Variants in KDELR1 observed in about 807,000 individuals in gnomAD.
The protein encoded by KDELR1 is ER lumen protein-retaining receptor 1.
In KDELR1, 16 loss-of-function variants were observed where a neutral mutation model predicts 25.5. That is an observed-to-expected ratio of 0.63 (90% CI 0.43 to 0.95). The LOEUF (loss-of-function observed/expected upper bound fraction) is 0.95. KDELR1 is among the 40% of genes least tolerant of loss of function. The pLI is 0.00. For missense variants in KDELR1, 159 were observed against 265.2 expected (o/e 0.60, Z 2.78); for synonymous variants, 121 against 115.0 (o/e 1.05, Z -0.33).
chr19:48,390,577 G>GAGACAGAC lies in KDELR1; in HGVS notation c.92-61_92-54dup, dbSNP rs1555890423. ...AGAGAGAGAGACAGAGAGAGAGAGA[G>GAGACAGAC]AGACAGACAGACAGACAGACAGACA... On this transcript the variant is annotated intron_variant, in intron 1 of 4. Transcript: ENST00000330720. 5.0e-5 allele frequency: 49 copies of GAGACAGAC among 980,208 alleles called. No individual in the cohort carries two copies. The African/African-American group carries it at 5.5e-4, about 11-fold the overall frequency. 60.7% of individuals were successfully genotyped at this position (980,208 alleles called of 1,614,324 possible). A position where few individuals can be genotyped will look rare whatever the true frequency, so the allele number is the denominator to read the frequency against.
rs1391928077 is a variant in KDELR1 at position 48,383,090 on chromosome 19, CA to C, written c.*202del. ...AGATTTTTTTTTCTTGTCTAAAAGGCAAAAAACTACAAACAGCCCAAGTCCT... is the reference window on the plus strand; with the variant it reads ...AGATTTTTTTTTCTTGTCTAAAAGGCAAAAACTACAAACAGCCCAAGTCCT... On this transcript the variant is annotated 3_prime_UTR_variant, in exon 5 of 5. Transcript: ENST00000330720. 1.7e-6 allele frequency: 1 copy of C among 581,372 alleles called. No homozygotes were observed. The highest frequency in any genetic ancestry group is 3.0e-6 in the Non-Finnish European group (1 of 328,728). The allele number at this position is 581,372 out of a possible 1,614,324, so 36.0% of individuals were successfully genotyped here. A position where few individuals can be genotyped will look rare whatever the true frequency, so the allele number is the denominator to read the frequency against.
At position 48,384,567 on chromosome 19, in the gene KDELR1, G is replaced by T. The variant is rs371723419; in HGVS notation, c.352-85C>A. ...GGACAACATTGCAGTTACAGGTGCC[G>T]CGAAGGTGGAGAGAAGGAAGGTGAT... On this transcript the variant is annotated intron_variant, in intron 3 of 4. Transcript: ENST00000330720. This position sits in a 1 kb window ranked among gnomAD's most constrained non-coding sequence, Gnocchi z 4.6. 5 of 1,490,694 alleles carry T rather than the reference G, an allele frequency of 3.4e-6. No individual in the cohort carries two copies. The African/African-American group carries it at 4.1e-5, about 12-fold the overall frequency. The allele number at this position is 1,490,694 out of a possible 1,614,324, so 92.3% of individuals were successfully genotyped here.
rs546719408 is a variant in KDELR1, at chr19:48,384,039, C to A, written c.604+191G>T. Reference sequence around the variant, plus strand: ...ACATGGGGGCTAAGGACAGAAACTCCTTAGCCCTTAGGGAGGCAGAGGCTA... The same window carrying A: ...ACATGGGGGCTAAGGACAGAAACTCATTAGCCCTTAGGGAGGCAGAGGCTA... On this transcript the variant is annotated intron_variant, in intron 4 of 4. Coordinates refer to ENST00000330720, the MANE Select transcript of KDELR1 (RefSeq NM_006801.3). This position sits in a 1 kb window ranked among gnomAD's most constrained non-coding sequence, Gnocchi z 4.6. 6.6e-6 allele frequency among the ~76,000 whole-genome samples: 1 copy of A among 152,302 alleles called. No homozygotes were observed. The highest frequency in any genetic ancestry group is 2.4e-5 in the African/African-American group (1 of 41,564).
upstream of KDELR1, among the ~76,000 whole-genome samples, chr19:48,392,493 C>T (rs954732708): frequency 2.6e-5 from 4 of 152,170 alleles, no homozygotes; most frequent in Non-Finnish European, 4.4e-5. Context: ...CCTCCTAGGA[C>T]GCTGTTCCTT....
intron 3 of KDELR1, among the ~76,000 whole-genome samples, chr19:48,388,382 TA>T (rs1160259157): frequency 2.6e-5 from 4 of 152,124 alleles, no homozygotes; most frequent in Non-Finnish European, 5.9e-5. Flanking sequence ...GGGATCATGC[TA>T]ATAGAAACTA....
intron 3 of KDELR1, 60 bp downstream of exon 3, chr19:48,389,493 T>G: frequency 6.3e-7 from 1 of 1,596,954 alleles, no homozygotes. Context: ...GAGGGTCTCC[T>G]GTCATAGCTA....
upstream of KDELR1, among the ~76,000 whole-genome samples, chr19:48,396,201 G>A (rs568389486): frequency 6.6e-6 from 1 of 152,000 alleles, no homozygotes; most frequent in East Asian, 1.9e-4. Flanking sequence ...GGGTTGTCCA[G>A]AGGCTGGACT....
chr19:48,393,468 C>A (rs932893135), upstream of KDELR1, among the ~76,000 whole-genome samples: 2 of 152,134 alleles, frequency 1.3e-5, no homozygotes, highest in Admixed American at 6.5e-5. The surrounding 1 kb of genome is among the most constrained non-coding windows in gnomAD (Gnocchi z 5.6). Context: ...CCCTGCCTGC[C>A]TGTCCCCAGC....
At chr19:48,391,771 G>C (rs1254254219), upstream of KDELR1, among the ~76,000 whole-genome samples, 1 of 152,164 alleles carries the variant, frequency 6.6e-6, no homozygotes, top group African/African-American at 2.4e-5. Context: ...CTCTGGAAGA[G>C]ACGCAGTCCA....
intron 3 of KDELR1, among the ~76,000 whole-genome samples, chr19:48,388,367 T>C (rs973457383): frequency 6.6e-6 from 1 of 152,182 alleles, no homozygotes; most frequent in Non-Finnish European, 1.5e-5. Flanking sequence ...TCAAGTCACA[T>C]GCACGGGATC....
intron 3 of KDELR1, chr19:48,387,950 A>C (rs1008412491): frequency 6.6e-6 from 1 of 152,250 alleles, no homozygotes; most frequent in Non-Finnish European, 1.5e-5. Flanking sequence ...GAGTTTGTAC[A>C]GGTCCCAGCA....
Position 48,384,531 on chromosome 19 carries a change from G to GA in KDELR1, c.352-50dup. On this transcript the variant is annotated intron_variant, in intron 3 of 4. Transcript: ENST00000330720. The surrounding 1 kb of genome is among the most constrained non-coding windows in gnomAD (Gnocchi z 4.6). ...TGAGGTGGGAGGGGACAGGGCGGGA[G>GA]AAAAGGCAGAGGACAACATTGCAGT... 6.3e-7 allele frequency: 1 copy of GA among 1,581,390 alleles called. No homozygotes were observed. Among genetic ancestry groups the GA allele is most frequent in the Middle Eastern group, 1.9e-4 (1 of 5,394 alleles).
At position 48,390,539 on chromosome 19, in the gene KDELR1, CAGAG is replaced by C. The variant is rs1235392308; in HGVS notation, c.92-19_92-16del. 19 of 1,475,490 alleles carry C rather than the reference CAGAG, an allele frequency of 1.3e-5. No homozygotes were observed. The highest frequency in any genetic ancestry group is 3.7e-5 in the Admixed American group (2 of 54,506). 91.4% of individuals were successfully genotyped at this position (1,475,490 alleles called of 1,614,324 possible). A position where few individuals can be genotyped will look rare whatever the true frequency, so the allele number is the denominator to read the frequency against. On this transcript the variant is annotated splice_polypyrimidine_tract_variant and intron_variant, in intron 1 of 4. Transcript: ENST00000330720. The stretch of plus-strand genomic sequence containing the variant: ...CCCTGAAATTCCTGTGGTCCAGAGA[CAGAG>C]AAAGAGAGAGAGAGAGAGACAGAGA...
At chr19:48,393,215 T>G (rs577312795), upstream of KDELR1, among the ~76,000 whole-genome samples, 1 of 147,888 alleles carries the variant, frequency 6.8e-6, no homozygotes, top group Non-Finnish European at 1.5e-5. The surrounding 1 kb of genome is among the most constrained non-coding windows in gnomAD (Gnocchi z 5.6). Context: ...AGAAGGGGAC[T>G]CCTGGGTCTG....
chr19:48,393,389 G>A (rs1970585335), upstream of KDELR1, among the ~76,000 whole-genome samples: 1 of 152,142 alleles, frequency 6.6e-6, no homozygotes, highest in Admixed American at 6.5e-5. This position sits in a 1 kb window ranked among gnomAD's most constrained non-coding sequence, Gnocchi z 5.6. Flanking sequence ...CAGGGCGGGG[G>A]CAGAGGGCAG....
Position 48,383,241 on chromosome 19 carries a change from G to T in KDELR1, c.*52C>A, listed in dbSNP as rs370963285. 40 of 1,536,802 alleles carry T rather than the reference G, an allele frequency of 2.6e-5. No individual in the cohort carries two copies. The highest frequency in any genetic ancestry group is 3.4e-5 in the Non-Finnish European group (38 of 1,133,600). ...ATGGGAAAGCTCTTCATCTTCTGCC[G>T]CCTTCCTCTGCCTCCCGCTGCTGCC... On this transcript the variant is annotated 3_prime_UTR_variant, in exon 5 of 5. Coordinates refer to ENST00000330720, the MANE Select transcript of KDELR1 (RefSeq NM_006801.3).
In KDELR1 at chr19:48,388,618, G is replaced by A. The variant is rs1265100262; in HGVS notation, c.351+935C>T. On this transcript the variant is annotated intron_variant, in intron 3 of 4. Coordinates refer to ENST00000330720, the MANE Select transcript of KDELR1 (RefSeq NM_006801.3). The stretch of plus-strand genomic sequence containing the variant: ...GGAGAATCGCTTGAACCTGGGAGGT[G>A]GAGGTTGCAGTGAGCCAGAATCATG... Among the ~76,000 whole-genome samples, 2 of 151,890 alleles carry A rather than the reference G, an allele frequency of 1.3e-5. 1 individual carries two copies. The highest frequency in any genetic ancestry group is 2.9e-5 in the Non-Finnish European group (2 of 67,992).
chr19:48,386,954 C>A (rs1970502275), intron 3 of KDELR1, among the ~76,000 whole-genome samples: 2 of 151,682 alleles, frequency 1.3e-5, no homozygotes, highest in South Asian at 4.2e-4. Flanking sequence ...GCCTGTAATC[C>A]CAGCTACTCG....
intron 1 of KDELR1, 180 bp from the exon 2 acceptor site, chr19:48,390,704 G>A (rs945235373): frequency 1.6e-5 from 9 of 563,524 alleles, no homozygotes; most frequent in Admixed American, 6.2e-5. Flanking sequence ...TGTCCCCGGA[G>A]GCCTCCCCAG....
Sources: allele counts gnomAD v4.1 joint callset (sites outside exome capture counted in the v4.1 genomes callset), GRCh38; gene constraint gnomAD v4.1.1; non-coding constraint Gnocchi (gnomAD v3.1); transcripts MANE v1.5; gene names NCBI Gene and HGNC (gene_info 2026-07-23, HGNC 2026-07-21).